The following HELLS variants were observed in gnomAD, a reference collection of about 807,000 sequenced individuals.
The protein encoded by HELLS is helicase, lymphoid specific, also known as lymphoid-specific helicase.
HELLS carries 32 observed loss-of-function variants against 120.0 expected under a neutral mutation model. The ratio of observed to expected loss-of-function variants is 0.27; its 90% CI spans 0.20 to 0.36. The LOEUF is 0.36. Ranked by LOEUF, HELLS falls within the 10% of genes least tolerant of loss-of-function variation. The pLI, the probability that HELLS is intolerant of heterozygous loss-of-function variation, is 1.00. For missense variants in HELLS, 650 were observed against 993.4 expected, an observed-to-expected ratio of 0.65 and a Z score of 4.65; for synonymous variants, 341 against 323.4, an observed-to-expected ratio of 1.05 and a Z score of -0.58.
At chr10:94,584,960 A>G (rs1283358888) in intron 12 of HELLS, among the ~76,000 whole-genome samples, 3 of 152,178 alleles carry the variant, frequency 2.0e-5, no homozygotes, top group Non-Finnish European at 4.4e-5. Flanking sequence ...ATGCATTACT[A>G]CAGGAAAAAG....
rs769405679 is a variant in HELLS, at chr10:94,550,371, C to T, written c.154-3755C>T. On this transcript the variant is annotated intron_variant, in intron 2 of 21. Transcript: ENST00000348459. ...TTGGCTCACTGCGACCTTCACCTGC[C>T]GGGTTTAAGCGATTCTTCTGCCTCA... Among the ~76,000 whole-genome samples, 58 of 151,826 alleles carry T rather than the reference C, an allele frequency of 3.8e-4. No individual in the cohort carries two copies. In the Middle Eastern group the frequency reaches 0.01, roughly 27 times the overall value.
chr10:94,594,696 AC>A lies in HELLS; in HGVS notation c.2095del (p.Gln699SerfsTer47). 1 of 1,587,150 alleles carries A rather than the reference AC, an allele frequency of 6.3e-7. No individual in the cohort carries two copies. Among genetic ancestry groups the A allele is most frequent in the Non-Finnish European group, 8.5e-7 (1 of 1,171,118 alleles). ...DTVIIYDSDW[N>X]PQSDLQAQDR... is the part of the protein sequence containing the mutation. ...ATTATTTTTCTTTTTAACTTTAAGA[AC>A]CCCCAGTCGGATCTTCAGGCCCAGG... On this transcript the variant is annotated frameshift_variant and splice_region_variant, in exon 19 of 22. Transcript: ENST00000348459. LOFTEE classifies it high-confidence loss of function.
intron 19 of HELLS, 69 bp from the exon 20 acceptor site, chr10:94,596,791 T>A: frequency 1.3e-6 from 1 of 785,400 alleles, no homozygotes. Flanking sequence ...CCATTGTGAT[T>A]GGTTTGTAAT....
intron 2 of HELLS, among the ~76,000 whole-genome samples, 159 bp downstream of exon 2, chr10:94,546,657 T>G (rs75632981): frequency 6.6e-5 from 10 of 152,242 alleles, no homozygotes; most frequent in Admixed American, 6.5e-4. Flanking sequence ...TTTACAGATA[T>G]TGCCTTTGAG....
chr10:94,584,186 G>T (rs776953757), intron 12 of HELLS: 3 of 609,644 alleles, frequency 4.9e-6, no homozygotes, highest in Non-Finnish European at 7.3e-6. Flanking sequence ...GAATTGAGAT[G>T]TTTATTGACT....
exon 10 of HELLS, chr10:94,611,894 A>G (rs1035738695): frequency 5.3e-5 from 8 of 152,230 alleles, no homozygotes; most frequent in East Asian, 1.9e-4. Flanking sequence ...AAGGCAACAT[A>G]ACATAAATGT....
At chr10:94,613,452 T>A (rs1392934373) in exon 10 of HELLS, 1 of 152,240 alleles carries the variant, frequency 6.6e-6, no homozygotes, top group Non-Finnish European at 1.5e-5. Flanking sequence ...AATTTGTGTT[T>A]GCTATAAAAT....
intron 2 of HELLS, 99 bp from the exon 3 acceptor site, chr10:94,554,027 A>T: frequency 1.7e-6 from 2 of 1,153,930 alleles, no homozygotes; most frequent in Admixed American, 2.8e-5. Context: ...TGTTTGGTTT[A>T]AAAAATGTTA....
rs371792267 is a variant in HELLS, at chr10:94,594,767, C to T, written c.2161C>T (p.Arg721Cys). ...IGQTKPVVVYRLVTANTIDQK... is the reference protein window; with the variant it reads ...IGQTKPVVVYCLVTANTIDQK... The stretch of plus-strand genomic sequence containing the variant: ...TCAGACAAAGCCAGTTGTTGTTTAT[C>T]GCCTTGTTACAGCAAATACTATCGA... Residue 721 changes from arginine to cysteine, a missense_variant, in exon 19 of 22, where the codon CGC (arginine) becomes TGC (cysteine). Physicochemically the swap from Arg to Cys is radical, Grantham distance 180. Coordinates refer to ENST00000348459, the MANE Select transcript of HELLS (RefSeq NM_018063.5). 73 of 1,613,448 alleles carry T rather than the reference C, an allele frequency of 4.5e-5. No homozygotes were observed. The highest frequency in any genetic ancestry group is 5.8e-5 in the Non-Finnish European group (69 of 1,179,536).
intron 8 of HELLS, 121 bp from the exon 9 acceptor site, chr10:94,574,433 A>AT (rs1487922306): frequency 3.9e-5 from 31 of 803,348 alleles, no homozygotes; most frequent in Non-Finnish European, 6.0e-5. Context: ...TGGTGTGAAT[A>AT]TATCAGCTTT....
Position 94,581,337 on chromosome 10 carries a change from G to T in HELLS, c.1044G>T (p.Trp348Cys). Residue 348 changes from tryptophan (W) to cysteine (C), a missense_variant, in exon 11 of 22, where the codon TGG (tryptophan) becomes TGT (cysteine). This residue lies in a region of HELLS where 61 missense variants were observed against 86.5 expected (regional missense o/e 0.71). Transcript: ENST00000348459. ...RDRNALQHCY[W>C]KYLIVDEGHR... ...AATTCGTTTTCTAGCATTGCTATTG[G>T]AAATACTTAATAGTAGATGAAGGAC... 1.9e-6 allele frequency: 3 copies of T among 1,543,758 alleles called. No individual in the cohort carries two copies. The highest frequency in any genetic ancestry group is 2.6e-6 in the Non-Finnish European group (3 of 1,145,372).
chr10:94,588,184 A>G (rs1179156288), intron 12 of HELLS, 45 bp from the exon 13 acceptor site: 2 of 1,201,720 alleles, frequency 1.7e-6, no homozygotes, highest in Non-Finnish European at 2.4e-6. Flanking sequence ...TTGAAAAACA[A>G]GAATGTTTAA....
At chr10:94,573,863 A>G in intron 7 of HELLS, 97 bp from the exon 8 acceptor site, 1 of 683,884 alleles carries the variant, frequency 1.5e-6, no homozygotes, top group Non-Finnish European at 2.6e-6. Context: ...TAATGATTAT[A>G]GGACTCAGTA....
exon 10 of HELLS, chr10:94,612,622 T>G (rs1846204007): frequency 6.6e-6 from 1 of 152,168 alleles, no homozygotes; most frequent in African/African-American, 2.4e-5. Flanking sequence ...CTCAGACATT[T>G]TTAAAAATGT....
At position 94,580,151 on chromosome 10, in the gene HELLS, ATAT is replaced by A. The variant is rs1174733146; in HGVS notation, c.1033-1174_1033-1172del. ...TATATATATATATATATATATATAT[ATAT>A]ATATATATACACACACACACACACA... On this transcript the variant is annotated intron_variant, in intron 10 of 21. Coordinates refer to ENST00000348459, the MANE Select transcript of HELLS (RefSeq NM_018063.5). Among the ~76,000 whole-genome samples the A allele has an allele frequency of 5.1e-3, 383 of 75,382 alleles. 7 individuals are homozygous for A. The highest frequency in any genetic ancestry group is 6.1e-3 in the Non-Finnish European group (245 of 39,998). 49.5% of individuals were successfully genotyped at this position (75,382 alleles called of 152,430 possible).
intron 4 of HELLS, among the ~76,000 whole-genome samples, chr10:94,559,270 A>G (rs565745052): frequency 6.6e-6 from 1 of 151,756 alleles, no homozygotes; most frequent in South Asian, 2.1e-4. Context: ...GTGCTTTTTC[A>G]TGGTGATTTT....
At position 94,590,440 on chromosome 10, in the gene HELLS, G is replaced by A; in HGVS notation, c.1516G>A (p.Gly506Ser). ...AGAAACAATTGAGTTAAGTCCTACTGGTCGACCAAAACGACGAACTAGAAA... is the reference window on the plus strand; with the variant it reads ...AGAAACAATTGAGTTAAGTCCTACTAGTCGACCAAAACGACGAACTAGAAA... ...EKETIELSPT[G>S]RPKRRTRKSI... The change falls in exon 14 of 22, where the codon GGT (glycine) becomes AGT (serine). Residue 506 changes from glycine (G) to serine (S), a missense_variant. Physicochemically the swap from Gly to Ser is moderately conservative, Grantham distance 56 (BLOSUM62 0). Around this residue, in one of 9 missense-constraint regions of HELLS, gnomAD observed 191 missense variants for 259.7 expected, o/e 0.74. Transcript: ENST00000348459. The A allele has an allele frequency of 2.5e-6, 4 of 1,609,214 alleles. No individual in the cohort carries two copies. Among genetic ancestry groups the A allele is most frequent in the Non-Finnish European group, 3.4e-6 (4 of 1,179,048 alleles).
rs184988383 is a variant in HELLS, at chr10:94,574,232, A to T, written c.705+45A>T. The T allele has an allele frequency of 1.3e-3, 1,601 of 1,249,740 alleles. 10 individuals are homozygous for T. Among genetic ancestry groups the T allele is most frequent in the Non-Finnish European group, 8.8e-4 (755 of 857,580 alleles). 77.4% of individuals were successfully genotyped at this position (1,249,740 alleles called of 1,614,324 possible). A position where few individuals can be genotyped will look rare whatever the true frequency, so the allele number is the denominator to read the frequency against. ...AATACAAGATACTGGTTTTATTTCTATAGTAGCCTAATGATTTGAGGTACC... is the reference window on the plus strand; with the variant it reads ...AATACAAGATACTGGTTTTATTTCTTTAGTAGCCTAATGATTTGAGGTACC... On this transcript the variant is annotated intron_variant, in intron 8 of 21. Coordinates refer to ENST00000348459, the MANE Select transcript of HELLS (RefSeq NM_018063.5).
intron 10 of HELLS, among the ~76,000 whole-genome samples, chr10:94,579,858 A>G (rs1418538340): frequency 6.6e-6 from 1 of 151,942 alleles, no homozygotes; most frequent in African/African-American, 2.4e-5. Context: ...TAACATGAAG[A>G]CCCTTCCTGT....
Sources: allele counts gnomAD v4.1 joint callset (sites outside exome capture counted in the v4.1 genomes callset), GRCh38; gene constraint gnomAD v4.1.1; regional missense constraint gnomAD v4.1.1; transcripts MANE v1.5; gene names NCBI Gene and HGNC (gene_info 2026-07-23, HGNC 2026-07-21).